RUNDC3B: variants seen among roughly 807,000 people sequenced by gnomAD.
RUNDC3B encodes the protein RUN domain-containing protein 3B.
In RUNDC3B, 33 loss-of-function variants were observed where a neutral mutation model predicts 58.4. The observed-to-expected ratio is 0.56, with a 90% CI of 0.43 to 0.75. RUNDC3B has a LOEUF of 0.75. Among genes scored for constraint, RUNDC3B ranks in the 30% least tolerant of loss-of-function variants. The pLI, the probability that RUNDC3B is intolerant of heterozygous loss-of-function variation, is 0.00. For synonymous variants in RUNDC3B, 193 were observed against 195.2 expected (o/e 0.99, Z 0.10); for missense variants, 501 against 535.7 (o/e 0.94, Z 0.64).
At chr7:87,742,433 C>T (rs1377511465) in intron 6 of RUNDC3B, among the ~76,000 whole-genome samples, 2 of 152,118 alleles carry the variant, frequency 1.3e-5, no homozygotes, top group Non-Finnish European at 1.5e-5. Flanking sequence ...TTAGCTCCCA[C>T]GTATAAGTGA....
intron 7 of RUNDC3B, among the ~76,000 whole-genome samples, chr7:87,775,029 CTT>C (rs1221530822): frequency 3.3e-5 from 5 of 152,194 alleles, no homozygotes; most frequent in African/African-American, 4.8e-5. Context: ...CTATACAGTA[CTT>C]TTTAGTCATT....
chr7:87,695,807 G>A (rs1035862755), intron 2 of RUNDC3B, among the ~76,000 whole-genome samples: 1 of 152,006 alleles, frequency 6.6e-6, no homozygotes, highest in Non-Finnish European at 1.5e-5. Flanking sequence ...TCTTATTCTG[G>A]CCATGAAATA....
At chr7:87,670,816 C>CTTGTTTGG (rs1437045661) in intron 2 of RUNDC3B, among the ~76,000 whole-genome samples, 1 of 152,152 alleles carries the variant, frequency 6.6e-6, no homozygotes, top group Non-Finnish European at 1.5e-5. Context: ...AGTTGGTAGA[C>CTTGTTTGG]TTGTTTGGTT....
At chr7:87,642,505 A>G (rs1584979419) in intron 1 of RUNDC3B, among the ~76,000 whole-genome samples, 1 of 152,216 alleles carries the variant, frequency 6.6e-6, no homozygotes, top group East Asian at 1.9e-4. Flanking sequence ...AATAATTTTA[A>G]TTGGGAGTTC....
chr7:87,765,710 A>G (rs1217229314), intron 6 of RUNDC3B, among the ~76,000 whole-genome samples: 1 of 152,044 alleles, frequency 6.6e-6, no homozygotes, highest in Non-Finnish European at 1.5e-5. Context: ...TTTATGACCA[A>G]CCATATGGTC....
chr7:87,694,923 CT>C (rs1828371224), intron 2 of RUNDC3B, among the ~76,000 whole-genome samples: 1 of 152,106 alleles, frequency 6.6e-6, no homozygotes, highest in Non-Finnish European at 1.5e-5. Flanking sequence ...TAGACACATA[CT>C]TTAGATATTT....
intron 4 of RUNDC3B, among the ~76,000 whole-genome samples, chr7:87,713,699 C>T (rs1830299201): frequency 6.7e-6 from 1 of 148,666 alleles, no homozygotes; most frequent in African/African-American, 2.5e-5. Context: ...ACTGGGAAGA[C>T]CTTCAAATGA....
At chr7:87,734,203 T>C (rs1831781248) in intron 4 of RUNDC3B, among the ~76,000 whole-genome samples, 1 of 152,048 alleles carries the variant, frequency 6.6e-6, no homozygotes, top group Non-Finnish European at 1.5e-5. Context: ...GAAAAGAAAA[T>C]TGTGCAGTCA....
chr7:87,800,326 A>G (rs991474366), intron 8 of RUNDC3B, among the ~76,000 whole-genome samples: 1 of 152,222 alleles, frequency 6.6e-6, no homozygotes, highest in African/African-American at 2.4e-5. Context: ...AAGTATTACT[A>G]TCAAAGTCTA....
intron 3 of RUNDC3B, among the ~76,000 whole-genome samples, chr7:87,707,692 TAAATAAAATA>T (rs899256475): frequency 2.6e-5 from 4 of 151,524 alleles, no homozygotes; most frequent in African/African-American, 9.7e-5. Context: ...ATAAAATAAA[TAAATAAAATA>T]AAATAAAATA....
At chr7:87,723,292 A>G (rs1333676302) in intron 4 of RUNDC3B, among the ~76,000 whole-genome samples, 2 of 152,188 alleles carry the variant, frequency 1.3e-5, no homozygotes, top group Non-Finnish European at 2.9e-5. Flanking sequence ...AATAAAGACT[A>G]AAATATTTGG....
chr7:87,639,745 C>A (rs563643495), intron 1 of RUNDC3B, among the ~76,000 whole-genome samples: 2 of 152,018 alleles, frequency 1.3e-5, no homozygotes, highest in East Asian at 3.9e-4. Flanking sequence ...GTCTCTTTTT[C>A]CATCTTTTAC....
At chr7:87,659,143 T>G (rs1404309041) in intron 2 of RUNDC3B, 4 of 376,104 alleles carry the variant, frequency 1.1e-5, no homozygotes, top group Non-Finnish European at 2.1e-5. Flanking sequence ...GCCTGGGCAA[T>G]AGAATGAGAC....
intron 4 of RUNDC3B, among the ~76,000 whole-genome samples, chr7:87,715,054 C>T (rs1213977903): frequency 6.6e-6 from 1 of 151,020 alleles, no homozygotes; most frequent in Non-Finnish European, 1.5e-5. Flanking sequence ...CAGGGGGTCT[C>T]CCTACATCTT....
At chr7:87,666,266 T>C (rs1241742473) in intron 2 of RUNDC3B, among the ~76,000 whole-genome samples, 1 of 152,198 alleles carries the variant, frequency 6.6e-6, no homozygotes, top group African/African-American at 2.4e-5. Context: ...TTTCATATGC[T>C]TGTGGGCCGT....
intron 3 of RUNDC3B, among the ~76,000 whole-genome samples, chr7:87,709,090 C>G (rs946793462): frequency 6.6e-6 from 1 of 152,090 alleles, no homozygotes; most frequent in Non-Finnish European, 1.5e-5. Context: ...AGAAAAGAAA[C>G]CATTAAAATT....
intron 7 of RUNDC3B, among the ~76,000 whole-genome samples, chr7:87,777,143 T>C (rs1237788435): frequency 6.6e-6 from 1 of 152,214 alleles, no homozygotes; most frequent in Non-Finnish European, 1.5e-5. Context: ...AGAAGTCTTA[T>C]ATCTATTACG....
In RUNDC3B at chr7:87,831,782, A is replaced by C. The variant is rs2130987990; in HGVS notation, c.*1752A>C. On this transcript the variant is annotated 3_prime_UTR_variant, in exon 11 of 11. Transcript: ENST00000394654. ...AAATTTTAGGCTGGACTTGAGCACT[A>C]TTGCTGCTTTCCTATGAACTATCAG... The C allele has an allele frequency of 6.6e-6, 1 of 152,002 alleles. No homozygotes were observed. Among genetic ancestry groups the C allele is most frequent in the Non-Finnish European group, 1.5e-5 (1 of 67,854 alleles). The allele number at this position is 152,002 out of a possible 1,614,324, so 9.4% of individuals were successfully genotyped here. A position where few individuals can be genotyped will look rare whatever the true frequency, so the allele number is the denominator to read the frequency against.
chr7:87,792,475 T>C (rs1459983956), intron 8 of RUNDC3B, among the ~76,000 whole-genome samples: 2 of 152,160 alleles, frequency 1.3e-5, no homozygotes, highest in East Asian at 3.9e-4. Context: ...ACAAAACAAG[T>C]CTTAAAACAT....
Sources: gnomAD v4.1 joint callset for allele counts (sites outside exome capture counted in the v4.1 genomes callset) on GRCh38, gnomAD v4.1.1 for gene constraint, MANE v1.5 for transcripts, NCBI Gene and HGNC (gene_info 2026-07-23, HGNC 2026-07-21) for gene names.